ATF7IP: variants seen among roughly 807,000 people sequenced by gnomAD.
ATF7IP encodes the protein activating transcription factor 7-interacting protein 1.
A neutral mutation model predicts 106.4 loss-of-function variants in ATF7IP; 23 were observed. The ratio of observed to expected loss-of-function variants is 0.22; its 90% CI spans 0.16 to 0.31. The LOEUF (loss-of-function observed/expected upper bound fraction) is 0.31. Among genes scored for constraint, ATF7IP ranks in the 10% least tolerant of loss-of-function variants. The probability of loss-of-function intolerance (pLI) is 1.00; values close to 1 mark genes in which losing one functional copy is unlikely to be tolerated. For missense variants in ATF7IP, 1,334 were observed against 1,524.3 expected, an observed-to-expected ratio of 0.88 and a Z score of 2.08; for synonymous variants, 542 against 539.0, an observed-to-expected ratio of 1.01 and a Z score of -0.08.
chr12:14,455,032 A>T (rs1017861935), intron 6 of ATF7IP, among the ~76,000 whole-genome samples: 1 of 152,054 alleles, frequency 6.6e-6, no homozygotes, highest in Non-Finnish European at 1.5e-5. Context: ...TACAAAAATT[A>T]GCCGGGCCTG....
intron 1 of ATF7IP, among the ~76,000 whole-genome samples, chr12:14,379,982 G>T (rs968884538): frequency 6.6e-6 from 1 of 152,034 alleles, no homozygotes; most frequent in African/African-American, 2.4e-5. Context: ...TTTCATTGGT[G>T]ATGTATTTGT....
At chr12:14,400,509 T>TC (rs1940133382) in intron 1 of ATF7IP, among the ~76,000 whole-genome samples, 1 of 152,184 alleles carries the variant, frequency 6.6e-6, no homozygotes, top group Non-Finnish European at 1.5e-5. Flanking sequence ...GGTCCTGGTA[T>TC]TTGCACTATT....
At chr12:14,370,084 T>G (rs1329084218) in intron 1 of ATF7IP, among the ~76,000 whole-genome samples, 3 of 152,030 alleles carry the variant, frequency 2.0e-5, no homozygotes, top group Admixed American at 6.6e-5. Flanking sequence ...ATTACAGGAA[T>G]GTGCCACTAT....
chr12:14,485,333 T>C (rs1944565810), intron 13 of ATF7IP, among the ~76,000 whole-genome samples: 1 of 151,642 alleles, frequency 6.6e-6, no homozygotes, highest in Admixed American at 6.6e-5. Context: ...TTCTTGGTTG[T>C]AGGAAGGGCC....
At chr12:14,461,255 G>C (rs1242911877) in intron 9 of ATF7IP, 122 bp downstream of exon 9, 1 of 938,748 alleles carries the variant, frequency 1.1e-6, no homozygotes, top group Non-Finnish European at 1.5e-6. Flanking sequence ...GAATTTTCTT[G>C]ATTATTTTTA....
chr12:14,411,969 A>G (rs562849641), intron 1 of ATF7IP, among the ~76,000 whole-genome samples: 1 of 152,278 alleles, frequency 6.6e-6, no homozygotes, highest in East Asian at 1.9e-4. Flanking sequence ...GTATAAGGCA[A>G]GAAATAGGAC....
At chr12:14,387,611 A>G (rs963269952) in intron 1 of ATF7IP, among the ~76,000 whole-genome samples, 1 of 152,094 alleles carries the variant, frequency 6.6e-6, no homozygotes, top group African/African-American at 2.4e-5. Context: ...CTAATGCCCT[A>G]TGGTTACTCA....
chr12:14,461,141 A>AC lies in ATF7IP; in HGVS notation c.2797+10dup, dbSNP rs769127111. The AC allele has an allele frequency of 6.2e-7, 1 of 1,606,506 alleles. No homozygotes were observed. Among genetic ancestry groups the AC allele is most frequent in the Admixed American group, 1.7e-5 (1 of 59,286 alleles). On this transcript the variant is annotated intron_variant, in intron 9 of 14. Coordinates refer to ENST00000261168, the MANE Select transcript of ATF7IP (RefSeq NM_018179.5). ...ATACCACCCCAAGAATTGGTAAGTC[A>AC]CCATGTAGGTTTAATACTAGAAATG...
At chr12:14,405,080 G>A (rs1940483809) in intron 1 of ATF7IP, among the ~76,000 whole-genome samples, 1 of 152,182 alleles carries the variant, frequency 6.6e-6, no homozygotes, top group Non-Finnish European at 1.5e-5. Context: ...CTTAGGCATT[G>A]TTGCTAGGAA....
intron 13 of ATF7IP, 51 bp downstream of exon 13, chr12:14,481,236 G>T: frequency 6.3e-7 from 1 of 1,592,992 alleles, no homozygotes. Flanking sequence ...GTTCTCTTCA[G>T]CATTTAGTTG....
intron 13 of ATF7IP, among the ~76,000 whole-genome samples, chr12:14,487,512 A>AC (rs1243348597): frequency 1.3e-5 from 2 of 152,174 alleles, no homozygotes; most frequent in East Asian, 3.9e-4. Context: ...ATTTCCTCAG[A>AC]CAAAGTTGGA....
chr12:14,419,688 T>C (rs1941387837), intron 1 of ATF7IP, among the ~76,000 whole-genome samples: 1 of 152,110 alleles, frequency 6.6e-6, no homozygotes, highest in Admixed American at 6.6e-5. Context: ...GGAAAAACCT[T>C]GAAGGTGTGA....
chr12:14,449,727 C>A (rs1263674652), intron 6 of ATF7IP, among the ~76,000 whole-genome samples: 1 of 150,224 alleles, frequency 6.7e-6, no homozygotes, highest in East Asian at 1.9e-4. Flanking sequence ...AAAAAAAAAA[C>A]AAACCCACTA....
intron 1 of ATF7IP, chr12:14,408,578 A>G (rs1479125052): frequency 6.6e-6 from 1 of 152,158 alleles, no homozygotes; most frequent in Non-Finnish European, 1.5e-5. Context: ...GTTTTCATCA[A>G]TATGTAGTAA....
At chr12:14,450,146 A>G (rs1393723906) in intron 6 of ATF7IP, among the ~76,000 whole-genome samples, 3 of 136,182 alleles carry the variant, frequency 2.2e-5, no homozygotes, top group Non-Finnish European at 3.4e-5. Context: ...TCTGATTTGG[A>G]TGTCATTTAT....
intron 12 of ATF7IP, 110 bp from the exon 13 acceptor site, chr12:14,480,893 T>A: frequency 1.1e-6 from 1 of 924,554 alleles, no homozygotes; most frequent in Non-Finnish European, 1.6e-6. Flanking sequence ...TATTTCTGTT[T>A]CTGTCTTTAT....
At chr12:14,484,496 G>A (rs985941534) in intron 13 of ATF7IP, among the ~76,000 whole-genome samples, 16 of 152,198 alleles carry the variant, frequency 1.1e-4, no homozygotes, top group Admixed American at 7.9e-4. Flanking sequence ...TGCACAACTA[G>A]GTGTGCTGCT....
chr12:14,433,697 C>T (rs564712568), intron 2 of ATF7IP, among the ~76,000 whole-genome samples: 1 of 151,634 alleles, frequency 6.6e-6, no homozygotes, highest in African/African-American at 2.4e-5. Context: ...AGAAAATTAA[C>T]CCTTCTGAAT....
At position 14,438,284 on chromosome 12, in the gene ATF7IP, G is replaced by C; in HGVS notation, c.1929+17G>C. The C allele has an allele frequency of 1.2e-6, 2 of 1,603,368 alleles. No homozygotes were observed. The highest frequency in any genetic ancestry group is 1.3e-5 in the African/African-American group (1 of 74,690). ...GAACTACAGGTTTGTACATTGACTTGAGTTGTATACTCCATGTGTCATTGT... is the reference window on the plus strand; with the variant it reads ...GAACTACAGGTTTGTACATTGACTTCAGTTGTATACTCCATGTGTCATTGT... On this transcript the variant is annotated intron_variant, in intron 5 of 14. Transcript: ENST00000261168.
Sources: allele counts gnomAD v4.1 joint callset (sites outside exome capture counted in the v4.1 genomes callset), GRCh38; gene constraint gnomAD v4.1.1; transcripts MANE v1.5; gene names NCBI Gene and HGNC (gene_info 2026-07-23, HGNC 2026-07-21).